FBN2: variants seen among roughly 807,000 people sequenced by gnomAD.
The protein encoded by FBN2 is fibrillin 2.
In FBN2, 105 loss-of-function variants were observed where a neutral mutation model predicts 355.6. The ratio of observed to expected loss-of-function variants is 0.30; its 90% CI spans 0.25 to 0.35. FBN2 has a LOEUF of 0.35. Among genes scored for constraint, FBN2 ranks in the 10% least tolerant of loss-of-function variants. FBN2 has a pLI of 1.00. For missense variants in FBN2, 3,280 were observed against 3,758.7 expected, an observed-to-expected ratio of 0.87 and a Z score of 3.33; for synonymous variants, 1,350 against 1,301.2, an observed-to-expected ratio of 1.04 and a Z score of -0.81.
intron 61 of FBN2, among the ~76,000 whole-genome samples, chr5:128,273,585 T>C (rs1765315927): frequency 6.6e-6 from 1 of 152,222 alleles, no homozygotes; most frequent in Non-Finnish European, 1.5e-5. Flanking sequence ...TTCAATTCTT[T>C]CTCAGATCCA....
At chr5:128,527,506 TA>T (rs1403045475) in intron 4 of FBN2, among the ~76,000 whole-genome samples, 1 of 151,770 alleles carries the variant, frequency 6.6e-6, no homozygotes, top group Non-Finnish European at 1.5e-5. Flanking sequence ...AAGGAAGAAG[TA>T]AAAAAGAAAG....
intron 46 of FBN2, among the ~76,000 whole-genome samples, chr5:128,302,164 A>G (rs1358512413): frequency 1.3e-5 from 2 of 152,178 alleles, no homozygotes; most frequent in African/African-American, 4.8e-5. Flanking sequence ...ACAGAGAGGA[A>G]CTTATGTTGG....
At chr5:128,534,764 C>T (rs572775826) in intron 2 of FBN2, among the ~76,000 whole-genome samples, 9 of 152,320 alleles carry the variant, frequency 5.9e-5, no homozygotes, top group African/African-American at 1.9e-4. Context: ...AGGCTCTGCT[C>T]TCTGGAATTC....
chr5:128,345,309 G>C lies in FBN2; in HGVS notation c.3217+48C>G, dbSNP rs756053515. The stretch of plus-strand genomic sequence containing the variant: ...AACCAATTCTCAGAGAATGTGGAAG[G>C]CTTCCTGTTGGTGAAGAAGGACCAA... On this transcript the variant is annotated intron_variant, in intron 24 of 64. Transcript: ENST00000262464. 1.4e-5 allele frequency: 20 copies of C among 1,412,758 alleles called. No individual in the cohort carries two copies. The South Asian group carries it at 1.6e-4, about 11-fold the overall frequency. The allele number at this position is 1,412,758 out of a possible 1,614,324, so 87.5% of individuals were successfully genotyped here.
At chr5:128,430,970 A>G (rs904558982) in intron 7 of FBN2, among the ~76,000 whole-genome samples, 1 of 152,250 alleles carries the variant, frequency 6.6e-6, no homozygotes, top group Admixed American at 6.5e-5. Context: ...TGTAGTGTAC[A>G]GGTAGACAAA....
At chr5:128,271,121 C>G (rs1339824676) in intron 62 of FBN2, among the ~76,000 whole-genome samples, 1 of 152,050 alleles carries the variant, frequency 6.6e-6, no homozygotes, top group African/African-American at 2.4e-5. Context: ...TTTGAGAAGA[C>G]CACAAAGGAT....
rs536242166 is a variant in FBN2, at chr5:128,259,131, G to GA, written c.*323dup. ...CCAAAGTGTTACAGACTGCTAACAG[G>GA]AAAAAAAAAAAAAGCTCACATTATT... On this transcript the variant is annotated 3_prime_UTR_variant, in exon 65 of 65. Coordinates refer to ENST00000262464, the MANE Select transcript of FBN2 (RefSeq NM_001999.4). The GA allele has an allele frequency of 0.18, 41,739 of 225,698 alleles. 5,196 individuals are homozygous for GA. The highest frequency in any genetic ancestry group is 0.47 in the African/African-American group (19,780 of 41,878). 14.0% of individuals were successfully genotyped at this position (225,698 alleles called of 1,614,324 possible). A position where few individuals can be genotyped will look rare whatever the true frequency, so the allele number is the denominator to read the frequency against.
At position 128,500,430 on chromosome 5, in the gene FBN2, C is replaced by CTTTTTTT. The variant is rs149068555; in HGVS notation, c.628+18836_628+18842dup. On this transcript the variant is annotated intron_variant, in intron 5 of 64. Coordinates refer to ENST00000262464, the MANE Select transcript of FBN2 (RefSeq NM_001999.4). Reference sequence around the variant, plus strand: ...TGAAAATGATGAGACTCTGACAATTCTTTTTTTTTTTTTTTTTTTTTTTTT... The same window carrying CTTTTTTT: ...TGAAAATGATGAGACTCTGACAATTCTTTTTTTTTTTTTTTTTTTTTTTTTTTTTTTT... Among the ~76,000 whole-genome samples, 270 of 51,174 alleles carry CTTTTTTT rather than the reference C, an allele frequency of 5.3e-3. 50 individuals carry two copies. Among genetic ancestry groups the CTTTTTTT allele is most frequent in the African/African-American group, 0.016 (150 of 9,566 alleles). 33.6% of individuals were successfully genotyped at this position (51,174 alleles called of 152,430 possible).
At chr5:128,307,959 G>A (rs966192123) in intron 41 of FBN2, among the ~76,000 whole-genome samples, 5 of 151,928 alleles carry the variant, frequency 3.3e-5, no homozygotes, top group Admixed American at 2.0e-4. Flanking sequence ...AATATATACC[G>A]AGTATTGAGA....
chr5:128,397,884 A>G (rs1752691477), intron 8 of FBN2, among the ~76,000 whole-genome samples: 3 of 152,132 alleles, frequency 2.0e-5, no homozygotes, highest in African/African-American at 4.8e-5. Context: ...CCCCCAATAC[A>G]TAACAGAAAA....
At chr5:128,453,286 G>A (rs968117425) in intron 6 of FBN2, among the ~76,000 whole-genome samples, 1 of 152,202 alleles carries the variant, frequency 6.6e-6, no homozygotes. Flanking sequence ...AAAGTCAGAA[G>A]CCTAAGAGAG....
At chr5:128,344,700 CTTTTTTTTT>C (rs143617398) in intron 24 of FBN2, among the ~76,000 whole-genome samples, 190 bp from the exon 25 acceptor site, 1 of 139,156 alleles carries the variant, frequency 7.2e-6, no homozygotes, top group Non-Finnish European at 1.6e-5. Context: ...ATCTTATATT[CTTTTTTTTT>C]TTTTTTTTGA....
intron 58 of FBN2, 124 bp from the exon 59 acceptor site, chr5:128,276,284 A>C: frequency 1.0e-6 from 1 of 974,938 alleles, no homozygotes; most frequent in Non-Finnish European, 1.6e-6. Flanking sequence ...GAATATAGCC[A>C]GAGAGAAATG....
At chr5:128,485,793 A>T (rs1755321491) in intron 5 of FBN2, among the ~76,000 whole-genome samples, 1 of 152,150 alleles carries the variant, frequency 6.6e-6, no homozygotes, top group Admixed American at 6.5e-5. Flanking sequence ...GCAAGAAGTG[A>T]TCTGAAGCAA....
chr5:128,318,204 A>G lies in FBN2; in HGVS notation c.4662T>C (p.Tyr1554=). The change falls in exon 36 of 65, where the codon TAT becomes TAC. Residue 1554 remains tyrosine (Y), a synonymous_variant. Transcript: ENST00000262464. ...GAAAATCGGGTGGGCAGTTACACTC[A>G]TAGCGACCAGGCGTGTTGACACATA... ...NGLCVNTPGR[Y]ECNCPPDFQL... 6.2e-7 allele frequency: 1 copy of G among 1,614,112 alleles called. No individual in the cohort carries two copies. Among genetic ancestry groups the G allele is most frequent in the Non-Finnish European group, 8.5e-7 (1 of 1,179,950 alleles).
chr5:128,335,990 G>C lies in FBN2; in HGVS notation c.3722C>G (p.Thr1241Arg), dbSNP rs1171139646. The change falls in exon 28 of 65, where the codon ACA (threonine) becomes AGA (arginine). Residue 1241 changes from threonine (T) to arginine (R), a missense_variant and splice_region_variant. Around this residue, in one of 6 missense-constraint regions of FBN2, gnomAD observed 2,284 missense variants for 2,749.5 expected, o/e 0.83. Coordinates refer to ENST00000262464, the MANE Select transcript of FBN2 (RefSeq NM_001999.4). ...YQATPDRQGCTDIDECMIMNG... is the reference protein window; with the variant it reads ...YQATPDRQGCRDIDECMIMNG... ...AGGCCTGCTTGGTCTCCCCTTACCT[G>C]TACAGCCCTGGCGGTCTGGCGTAGC... 4 of 1,613,974 alleles carry C rather than the reference G, an allele frequency of 2.5e-6. No homozygotes were observed. The South Asian group carries it at 4.4e-5, about 18-fold the overall frequency.
chr5:128,464,981 G>A, intron 5 of FBN2, 60 bp from the exon 6 acceptor site: 1 of 1,493,144 alleles, frequency 6.7e-7, no homozygotes, highest in Non-Finnish European at 9.3e-7. Context: ...TCTTATACCA[G>A]TGCCTCCAAA....
intron 7 of FBN2, among the ~76,000 whole-genome samples, chr5:128,433,541 T>G (rs1224263037): frequency 6.6e-6 from 1 of 152,184 alleles, no homozygotes; most frequent in East Asian, 1.9e-4. Flanking sequence ...AAAGCAAAGC[T>G]TTGATTTATA....
chr5:128,522,566 C>G (rs915531643), intron 4 of FBN2, among the ~76,000 whole-genome samples: 1 of 152,100 alleles, frequency 6.6e-6, no homozygotes, highest in Non-Finnish European at 1.5e-5. Context: ...AACTATAGAA[C>G]ATTTGTACGA....
Sources: gnomAD v4.1 joint callset for allele counts (sites outside exome capture counted in the v4.1 genomes callset) on GRCh38, gnomAD v4.1.1 for gene constraint, gnomAD v4.1.1 regional missense constraint, MANE v1.5 for transcripts, NCBI Gene and HGNC (gene_info 2026-07-23, HGNC 2026-07-21) for gene names.